RYK: variants seen among roughly 807,000 people sequenced by gnomAD.
RYK encodes the protein receptor like tyrosine kinase, also known as inactive tyrosine-protein kinase RYK.
RYK carries 21 observed loss-of-function variants against 70.2 expected under a neutral mutation model. That is an observed-to-expected ratio of 0.30 (90% CI 0.21 to 0.43). RYK has a LOEUF of 0.43. Among genes scored for constraint, RYK ranks in the 20% least tolerant of loss-of-function variants. The probability of loss-of-function intolerance (pLI) is 1.00; values close to 1 mark genes in which losing one functional copy is unlikely to be tolerated. For missense variants in RYK, 604 were observed against 753.3 expected (o/e 0.80, Z 2.32); for synonymous variants, 267 against 278.0 (o/e 0.96, Z 0.39).
chr3:134,195,310 C>A (rs528014642), intron 6 of RYK, 128 bp from the exon 7 acceptor site: 1 of 652,318 alleles, frequency 1.5e-6, no homozygotes, highest in Non-Finnish European at 2.7e-6. Context: ...CACAATAATT[C>A]ATGATGTTCC....
At chr3:134,188,080 GAAT>G (rs933346364) in intron 9 of RYK, among the ~76,000 whole-genome samples, 1 of 150,704 alleles carries the variant, frequency 6.6e-6, no homozygotes, top group Admixed American at 6.6e-5. Context: ...CCCAAAAGAA[GAAT>G]ATGTGAAAAC....
chr3:134,231,086 G>A (rs1300328036), intron 1 of RYK, among the ~76,000 whole-genome samples: 1 of 151,132 alleles, frequency 6.6e-6, no homozygotes, highest in African/African-American at 2.4e-5. Flanking sequence ...TAATATGTAA[G>A]TAAGTTTTCC....
intron 1 of RYK, among the ~76,000 whole-genome samples, chr3:134,241,379 T>C (rs1247239071): frequency 6.6e-6 from 1 of 150,484 alleles, no homozygotes; most frequent in Non-Finnish European, 1.5e-5. Context: ...TGACAAACTA[T>C]GTATTTAAGT....
intron 1 of RYK, among the ~76,000 whole-genome samples, chr3:134,226,450 T>C (rs2014913801): frequency 6.6e-6 from 1 of 152,114 alleles, no homozygotes; most frequent in Non-Finnish European, 1.5e-5. Context: ...TTACATAAAC[T>C]CTATCAGAAA....
intron 11 of RYK, 121 bp downstream of exon 11, chr3:134,177,820 T>C (rs1001567053): frequency 7.4e-6 from 6 of 807,264 alleles, no homozygotes; most frequent in African/African-American, 5.3e-5. Flanking sequence ...TTGTGGTTCA[T>C]TTTGAGGTTC....
intron 5 of RYK, among the ~76,000 whole-genome samples, chr3:134,204,661 G>T (rs958518546): frequency 6.1e-5 from 9 of 148,210 alleles, no homozygotes; most frequent in Non-Finnish European, 1.0e-4. Context: ...CACACAGCAA[G>T]ATACAAATGA....
In RYK at chr3:134,250,518, G is replaced by T; in HGVS notation, c.137C>A (p.Ala46Asp). ...CTCCGGGGGCCGCGGGGCGGGGGCG[G>T]CGGCAGCGCCAGGCGCGGGCAGCAG... ...LPLLPAPGAA[A>D]APAPRPPELQ... The change falls in exon 1 of 15, where the codon GCC becomes GAC. Residue 46 changes from alanine to aspartate, a missense_variant. Ala to Asp is a moderately radical substitution (Grantham distance 126, BLOSUM62 -2). Around this residue, in one of 2 missense-constraint regions of RYK, gnomAD observed 466 missense variants for 535.9 expected, o/e 0.87. Coordinates refer to ENST00000623711, the MANE Select transcript of RYK (RefSeq NM_002958.4). 1 of 1,231,524 alleles carries T rather than the reference G, an allele frequency of 8.1e-7. No individual in the cohort carries two copies. The highest frequency in any genetic ancestry group is 1.0e-6 in the Non-Finnish European group (1 of 983,866). The allele number at this position is 1,231,524 out of a possible 1,614,324, so 76.3% of individuals were successfully genotyped here.
At chr3:134,188,575 T>A (rs1201911487) in intron 9 of RYK, among the ~76,000 whole-genome samples, 1 of 152,230 alleles carries the variant, frequency 6.6e-6, no homozygotes. Flanking sequence ...TGGATGCAGT[T>A]TGACTTGCAA....
chr3:134,242,713 T>C (rs1033491968), intron 1 of RYK, among the ~76,000 whole-genome samples: 1 of 152,210 alleles, frequency 6.6e-6, no homozygotes, highest in African/African-American at 2.4e-5. Context: ...ACTCACATGT[T>C]TGATTTGTCC....
chr3:134,229,707 A>G (rs1428144993), intron 1 of RYK, among the ~76,000 whole-genome samples: 1 of 152,154 alleles, frequency 6.6e-6, no homozygotes, highest in East Asian at 1.9e-4. Flanking sequence ...TCTAGAATAT[A>G]TAAAGAACCA....
chr3:134,247,689 C>T (rs538397938), intron 1 of RYK, among the ~76,000 whole-genome samples: 114 of 146,640 alleles, frequency 7.8e-4, no homozygotes, highest in South Asian at 8.6e-4. Context: ...GCAACAAGAG[C>T]GAAACTCCGT....
chr3:134,238,531 TA>T (rs1226509581), intron 1 of RYK, among the ~76,000 whole-genome samples: 2 of 152,162 alleles, frequency 1.3e-5, no homozygotes, highest in Admixed American at 6.5e-5. Flanking sequence ...TTGGTCCTGA[TA>T]GGTGGTTTAG....
chr3:134,177,842 C>T, intron 11 of RYK, 99 bp downstream of exon 11: 1 of 1,013,552 alleles, frequency 9.9e-7, no homozygotes, highest in East Asian at 2.5e-5. Context: ...TTTTTGCAGG[C>T]CTCTAAACAG....
intron 2 of RYK, among the ~76,000 whole-genome samples, chr3:134,216,154 A>C (rs984339864): frequency 1.3e-5 from 2 of 152,232 alleles, no homozygotes; most frequent in African/African-American, 4.8e-5. Flanking sequence ...ATGTTCCCTT[A>C]CTTGGAAACA....
At chr3:134,230,565 G>C (rs1264792553) in intron 1 of RYK, among the ~76,000 whole-genome samples, 2 of 152,234 alleles carry the variant, frequency 1.3e-5, no homozygotes, top group Non-Finnish European at 2.9e-5. Context: ...AACTACACAA[G>C]AGAGTATATA....
In RYK at chr3:134,250,451, C is replaced by G; in HGVS notation, c.204G>C (p.Leu68=). 1 of 1,400,724 alleles carries G rather than the reference C, an allele frequency of 7.1e-7. No homozygotes were observed. The highest frequency in any genetic ancestry group is 2.6e-5 in the Admixed American group (1 of 38,906). 86.8% of individuals were successfully genotyped at this position (1,400,724 alleles called of 1,614,324 possible). Residue 68 remains leucine (L), a synonymous_variant, in exon 1 of 15, where the codon CTG becomes CTC. Coordinates refer to ENST00000623711, the MANE Select transcript of RYK (RefSeq NM_002958.4). The part of the protein sequence containing the change: ...ASAGPSVSLY[L]SEDEVRRLIG... ...TCAGCCGGCGCACCTCGTCCTCGCT[C>G]AGGTAGAGACTCACGCTGGGCCCCG...
At chr3:134,169,074 C>T (rs1362439094) in intron 13 of RYK, among the ~76,000 whole-genome samples, 1 of 152,160 alleles carries the variant, frequency 6.6e-6, no homozygotes, top group Non-Finnish European at 1.5e-5. Context: ...ACAAGCAACA[C>T]ATTTTGATTT....
chr3:134,182,726 C>T (rs1478749057), intron 10 of RYK, among the ~76,000 whole-genome samples: 1 of 152,116 alleles, frequency 6.6e-6, no homozygotes, highest in Non-Finnish European at 1.5e-5. Flanking sequence ...GAAATGTGCA[C>T]ATAAATATGT....
intron 6 of RYK, among the ~76,000 whole-genome samples, chr3:134,200,076 C>T (rs529255800): frequency 2.0e-5 from 3 of 152,172 alleles, no homozygotes; most frequent in East Asian, 3.9e-4. Context: ...ATGGACCAAT[C>T]AGCAGGATGT....
Sources: gnomAD v4.1 joint callset for allele counts (sites outside exome capture counted in the v4.1 genomes callset) on GRCh38, gnomAD v4.1.1 for gene constraint, gnomAD v4.1.1 regional missense constraint, MANE v1.5 for transcripts, NCBI Gene and HGNC (gene_info 2026-07-23, HGNC 2026-07-21) for gene names.